FHIT: variants seen among roughly 807,000 people sequenced by gnomAD.
FHIT encodes the protein bis(5'-adenosyl)-triphosphatase.
FHIT carries 19 observed loss-of-function variants against 17.9 expected under a neutral mutation model. That is an observed-to-expected ratio of 1.06 (90% CI 0.74 to 1.56). FHIT has a LOEUF of 1.56. Among genes scored for constraint, FHIT ranks in the 40% most tolerant of loss-of-function variants. The pLI is 0.00. For missense variants in FHIT, 248 were observed against 189.2 expected (o/e 1.31, Z -1.82); for synonymous variants, 81 against 69.7 (o/e 1.16, Z -0.81).
At chr3:61,039,614 A>C (rs1414802529) in intron 3 of FHIT, among the ~76,000 whole-genome samples, 1 of 152,160 alleles carries the variant, frequency 6.6e-6, no homozygotes, top group East Asian at 1.9e-4. Context: ...CAGAAAACCA[A>C]ACACCACATG....
At chr3:59,958,953 G>A (rs978901595) in intron 7 of FHIT, among the ~76,000 whole-genome samples, 7 of 152,192 alleles carry the variant, frequency 4.6e-5, no homozygotes, top group African/African-American at 1.4e-4. Context: ...TATAGGCATT[G>A]AAAAGCTGTA....
intron 1 of FHIT, among the ~76,000 whole-genome samples, chr3:61,223,360 A>T (rs913808973): frequency 2.6e-5 from 4 of 152,298 alleles, no homozygotes; most frequent in African/African-American, 9.6e-5. Context: ...GAAAGACCAG[A>T]TCCCCAGTTC....
At chr3:60,325,704 G>A (rs942817983) in intron 5 of FHIT, among the ~76,000 whole-genome samples, 2 of 152,156 alleles carry the variant, frequency 1.3e-5, no homozygotes, top group Non-Finnish European at 2.9e-5. Context: ...AGGCAAAAGA[G>A]GATTTACAAT....
intron 4 of FHIT, among the ~76,000 whole-genome samples, chr3:60,598,377 T>C (rs2107708880): frequency 6.6e-6 from 1 of 152,298 alleles, no homozygotes; most frequent in Non-Finnish European, 1.5e-5. Flanking sequence ...TTGGTTAAAA[T>C]ATTTGCTCAC....
chr3:60,832,276 A>G (rs1323028507), intron 3 of FHIT, among the ~76,000 whole-genome samples: 1 of 152,184 alleles, frequency 6.6e-6, no homozygotes, highest in African/African-American at 2.4e-5. Context: ...TGTTTTACCA[A>G]TGAGGAAACA....
Position 60,425,135 on chromosome 3 carries a change from AC to A in FHIT, c.103+111724del, listed in dbSNP as rs529043931. ...TGGTTGCAACACATCCCTATCAGGA[AC>A]CCACTGCAACTATCTGAAGCACCCT... On this transcript the variant is annotated intron_variant, in intron 5 of 9. Coordinates refer to ENST00000492590, the MANE Select transcript of FHIT (RefSeq NM_002012.4). Among the ~76,000 whole-genome samples, 475 of 152,164 alleles carry A rather than the reference AC, an allele frequency of 3.1e-3. 5 individuals carry two copies. Among genetic ancestry groups the A allele is most frequent in the African/African-American group, 0.01 (434 of 41,518 alleles).
chr3:60,643,778 A>T (rs2039785966), intron 4 of FHIT, among the ~76,000 whole-genome samples: 1 of 152,188 alleles, frequency 6.6e-6, no homozygotes, highest in African/African-American at 2.4e-5. Flanking sequence ...CCAAACCAGA[A>T]AGGAACGAAT....
chr3:60,330,426 C>G (rs573999125), intron 5 of FHIT, among the ~76,000 whole-genome samples: 2 of 152,296 alleles, frequency 1.3e-5, no homozygotes, highest in South Asian at 2.1e-4. Flanking sequence ...CCGGTGGAGA[C>G]AACCACCGGT....
rs536726465 is a variant in FHIT, at chr3:59,897,892, G to A, written c.348+24454C>T. On this transcript the variant is annotated intron_variant, in intron 8 of 9. Transcript: ENST00000492590. ...CGCCATTCTCCTGCCTCAGCCTCCCGAGTAGCTGGGACTACAGGCACCCGC... is the reference window on the plus strand; with the variant it reads ...CGCCATTCTCCTGCCTCAGCCTCCCAAGTAGCTGGGACTACAGGCACCCGC... Among the ~76,000 whole-genome samples the A allele has an allele frequency of 2.2e-4, 33 of 151,562 alleles. 1 individual carries two copies. In the South Asian group the frequency reaches 5.4e-3, roughly 25 times the overall value.
intron 3 of FHIT, among the ~76,000 whole-genome samples, chr3:60,832,218 A>T (rs1702358008): frequency 6.6e-6 from 1 of 151,652 alleles, no homozygotes; most frequent in African/African-American, 2.4e-5. Flanking sequence ...TTGTATAAGA[A>T]TACAATTAGA....
chr3:60,052,557 C>A (rs1007005870), intron 5 of FHIT, among the ~76,000 whole-genome samples: 3 of 151,950 alleles, frequency 2.0e-5, no homozygotes, highest in African/African-American at 7.2e-5. Context: ...TCCTAGAAAT[C>A]GATCTGTCAT....
chr3:61,045,712 A>G (rs2033752513), intron 2 of FHIT, among the ~76,000 whole-genome samples: 1 of 152,198 alleles, frequency 6.6e-6, no homozygotes, highest in African/African-American at 2.4e-5. Flanking sequence ...CATCGTACTT[A>G]TTCCAAAACT....
chr3:60,763,520 C>T (rs1300297753), intron 4 of FHIT, among the ~76,000 whole-genome samples: 1 of 152,146 alleles, frequency 6.6e-6, no homozygotes, highest in Non-Finnish European at 1.5e-5. Flanking sequence ...TTTTGGTGCC[C>T]ATTTGGCATA....
chr3:60,089,166 G>A (rs547904782), intron 5 of FHIT, among the ~76,000 whole-genome samples: 2 of 152,272 alleles, frequency 1.3e-5, no homozygotes, highest in South Asian at 2.1e-4. Flanking sequence ...GGATGTGGAG[G>A]GAACACTCCA....
At chr3:61,006,453 G>C (rs2031454641) in intron 3 of FHIT, among the ~76,000 whole-genome samples, 1 of 151,974 alleles carries the variant, frequency 6.6e-6, no homozygotes, top group Non-Finnish European at 1.5e-5. Context: ...CGAATCCAAG[G>C]TGAGAAATAT....
chr3:60,653,983 T>G (rs2040057743), intron 4 of FHIT, among the ~76,000 whole-genome samples: 1 of 152,176 alleles, frequency 6.6e-6, no homozygotes, highest in Non-Finnish European at 1.5e-5. Flanking sequence ...ATAAATGGCT[T>G]GGGCTATTTC....
chr3:60,111,635 G>A (rs1028208930), intron 5 of FHIT, among the ~76,000 whole-genome samples: 2 of 152,190 alleles, frequency 1.3e-5, no homozygotes, highest in Non-Finnish European at 2.9e-5. Flanking sequence ...CTTTGCTACT[G>A]TAAAATTCAG....
At chr3:61,199,375 C>G (rs1478330584) in intron 2 of FHIT, among the ~76,000 whole-genome samples, 3 of 152,124 alleles carry the variant, frequency 2.0e-5, no homozygotes, top group African/African-American at 7.2e-5. Context: ...CAAGATGTGG[C>G]TCAATGGTCC....
At chr3:60,712,883 A>G (rs2041576940) in intron 4 of FHIT, among the ~76,000 whole-genome samples, 2 of 145,466 alleles carry the variant, frequency 1.4e-5, no homozygotes, top group Admixed American at 1.4e-4. Flanking sequence ...CAGAAAGTTA[A>G]CAAGGATACC....
Sources: allele counts gnomAD v4.1 joint callset (sites outside exome capture counted in the v4.1 genomes callset), GRCh38; gene constraint gnomAD v4.1.1; transcripts MANE v1.5; gene names NCBI Gene and HGNC (gene_info 2026-07-23, HGNC 2026-07-21).